The following PPFIBP2 variants were observed in gnomAD, a reference collection of about 807,000 sequenced individuals.
PPFIBP2 encodes the protein liprin-beta-2.
PPFIBP2 carries 118 observed loss-of-function variants against 118.3 expected under a neutral mutation model. The observed-to-expected ratio is 1.00, with a 90% CI of 0.86 to 1.16. The LOEUF is 1.16. Among genes scored for constraint, PPFIBP2 ranks in the 50% most tolerant of loss-of-function variants. PPFIBP2 has a pLI of 0.00. For missense variants in PPFIBP2, 1,195 were observed against 1,073.1 expected, an observed-to-expected ratio of 1.11 and a Z score of -1.59; for synonymous variants, 414 against 397.4, an observed-to-expected ratio of 1.04 and a Z score of -0.50.
chr11:7,598,730 G>C lies in PPFIBP2; in HGVS notation c.486+1057G>C, dbSNP rs118028168. On this transcript the variant is annotated intron_variant, in intron 5 of 23. Transcript: ENST00000299492. ...ACTACTTATAATCTTTCCTCCAAAAGCGCTAGCATTTTTTTTTTAATTGTC... is the reference window on the plus strand; with the variant it reads ...ACTACTTATAATCTTTCCTCCAAAACCGCTAGCATTTTTTTTTTAATTGTC... 6.4e-4 allele frequency among the ~76,000 whole-genome samples: 98 copies of C among 152,174 alleles called. No individual in the cohort carries two copies. In the East Asian group the frequency reaches 0.016, roughly 25 times the overall value.
At chr11:7,543,703 ACTTG>A (rs1255201224) in intron 1 of PPFIBP2, among the ~76,000 whole-genome samples, 1 of 152,240 alleles carries the variant, frequency 6.6e-6, no homozygotes, top group Non-Finnish European at 1.5e-5. Flanking sequence ...ACAAAGGTTT[ACTTG>A]CTTCCGACTT....
At chr11:7,559,960 T>C (rs941999682) in intron 2 of PPFIBP2, among the ~76,000 whole-genome samples, 7 of 152,202 alleles carry the variant, frequency 4.6e-5, no homozygotes, top group Non-Finnish European at 8.8e-5. Context: ...CTTTTTCAGC[T>C]TTTCTGTTTG....
downstream of PPFIBP2, among the ~76,000 whole-genome samples, chr11:7,654,923 A>C (rs934630703): frequency 6.6e-6 from 1 of 152,116 alleles, no homozygotes; most frequent in Non-Finnish European, 1.5e-5. Flanking sequence ...TACAGTGTCT[A>C]AGTAGGTTTA....
intron 5 of PPFIBP2, among the ~76,000 whole-genome samples, chr11:7,608,204 G>C (rs564477440): frequency 5.9e-5 from 9 of 152,296 alleles, no homozygotes; most frequent in Admixed American, 5.9e-4. Context: ...CATTTCCTGG[G>C]CTCATTGAAT....
intron 2 of PPFIBP2, among the ~76,000 whole-genome samples, chr11:7,564,115 G>A (rs372662422): frequency 6.6e-6 from 1 of 151,768 alleles, no homozygotes; most frequent in African/African-American, 2.4e-5. Flanking sequence ...GCAGTGAGCC[G>A]AGATTGCACC....
At chr11:7,591,955 A>G (rs765343200) in intron 3 of PPFIBP2, among the ~76,000 whole-genome samples, 8 of 152,244 alleles carry the variant, frequency 5.3e-5, no homozygotes, top group African/African-American at 1.9e-4. Context: ...GGGAGAGCCC[A>G]TGCTAAAAGT....
chr11:7,597,667 T>G lies in PPFIBP2; in HGVS notation c.480T>G (p.Leu160=). Residue 160 remains leucine, a synonymous_variant, in exon 5 of 24, where the codon CTT becomes CTG. Transcript: ENST00000299492. ...QVKLNAAEEM[L]QQELLSRTSL... is the part of the protein sequence containing the mutation. ...AACTCAATGCTGCTGAAGAGATGCT[T>G]CAACAGGTAAGGGCGGGTGCACTGA... 6.2e-7 allele frequency: 1 copy of G among 1,613,776 alleles called. No individual in the cohort carries two copies. The highest frequency in any genetic ancestry group is 1.1e-5 in the South Asian group (1 of 91,012).
intron 1 of PPFIBP2, among the ~76,000 whole-genome samples, chr11:7,547,175 G>A (rs1323713908): frequency 3.3e-5 from 5 of 152,204 alleles, no homozygotes; most frequent in South Asian, 2.1e-4. Flanking sequence ...GCCGGGGGGC[G>A]GTGTGGGGAA....
At chr11:7,545,704 T>C (rs1852257678) in intron 1 of PPFIBP2, among the ~76,000 whole-genome samples, 1 of 151,904 alleles carries the variant, frequency 6.6e-6, no homozygotes, top group African/African-American at 2.4e-5. Context: ...AAAAAGTATA[T>C]ATTTGGTCTC....
chr11:7,555,570 C>G (rs532987801), intron 2 of PPFIBP2, among the ~76,000 whole-genome samples: 1 of 152,166 alleles, frequency 6.6e-6, no homozygotes, highest in Non-Finnish European at 1.5e-5. Flanking sequence ...GTATCGGACT[C>G]GCTGTTTCCC....
chr11:7,641,340 T>G, intron 15 of PPFIBP2, 139 bp from the exon 16 acceptor site: 2 of 946,052 alleles, frequency 2.1e-6, no homozygotes, highest in Non-Finnish European at 3.2e-6. Context: ...TCTGGGATCT[T>G]GGTATGGAGT....
chr11:7,554,513 AC>A (rs1853358828), intron 2 of PPFIBP2, among the ~76,000 whole-genome samples: 1 of 152,218 alleles, frequency 6.6e-6, no homozygotes, highest in African/African-American at 2.4e-5. Context: ...TCCTGCATCA[AC>A]TAAAACAGTG....
At chr11:7,561,851 G>C (rs1311139372) in intron 2 of PPFIBP2, among the ~76,000 whole-genome samples, 1 of 152,214 alleles carries the variant, frequency 6.6e-6, no homozygotes, top group Non-Finnish European at 1.5e-5. Context: ...AAGAGTTATA[G>C]TTAAGATATT....
At chr11:7,523,719 C>T (rs921191801) in intron 1 of PPFIBP2, among the ~76,000 whole-genome samples, 2 of 152,156 alleles carry the variant, frequency 1.3e-5, no homozygotes, top group African/African-American at 4.8e-5. Context: ...GGACTAGATC[C>T]TACATTGCCT....
intron 1 of PPFIBP2, among the ~76,000 whole-genome samples, chr11:7,538,876 C>T (rs1299177063): frequency 6.6e-6 from 1 of 152,212 alleles, no homozygotes; most frequent in Non-Finnish European, 1.5e-5. Flanking sequence ...TCAGCCCCCA[C>T]TGGCCTGAGC....
chr11:7,655,955 G>A (rs1344784478), downstream of PPFIBP2, among the ~76,000 whole-genome samples: 4 of 152,156 alleles, frequency 2.6e-5, no homozygotes, highest in Admixed American at 1.3e-4. Context: ...ACAGGCTTGT[G>A]AGCACATCCT....
At chr11:7,611,777 A>G (rs1172482043) in intron 6 of PPFIBP2, among the ~76,000 whole-genome samples, 1 of 152,250 alleles carries the variant, frequency 6.6e-6, no homozygotes, top group East Asian at 1.9e-4. Flanking sequence ...TTTATTGATC[A>G]CTTACTGATA....
At chr11:7,623,473 C>T (rs1363346329) in intron 7 of PPFIBP2, among the ~76,000 whole-genome samples, 1 of 152,192 alleles carries the variant, frequency 6.6e-6, no homozygotes. Context: ...AGACAGAGAT[C>T]GCTCAAAGGA....
chr11:7,621,120 T>C, intron 7 of PPFIBP2, 93 bp downstream of exon 7: 1 of 977,668 alleles, frequency 1.0e-6, no homozygotes, highest in Non-Finnish European at 1.6e-6. Flanking sequence ...AGCCTAAGTT[T>C]GAAAATGCAA....
Sources: allele counts gnomAD v4.1 joint callset (sites outside exome capture counted in the v4.1 genomes callset), GRCh38; gene constraint gnomAD v4.1.1; transcripts MANE v1.5; gene names NCBI Gene and HGNC (gene_info 2026-07-23, HGNC 2026-07-21).